The following PIGF variants were observed in gnomAD, a reference collection of about 807,000 sequenced individuals.
PIGF encodes GPI ethanolamine phosphate transferase, stabilizing subunit.
A neutral mutation model predicts 26.0 loss-of-function variants in PIGF; 23 were observed. The ratio of observed to expected loss-of-function variants is 0.88; its 90% CI spans 0.64 to 1.25. The LOEUF (loss-of-function observed/expected upper bound fraction) is 1.25. PIGF is among the 50% of genes most tolerant of loss of function. PIGF has a pLI of 0.00. For synonymous variants in PIGF, 93 were observed against 92.6 expected (o/e 1.00, Z -0.03); for missense variants, 278 against 249.9 (o/e 1.11, Z -0.76).
At chr2:46,583,929 G>A (rs753540264) in intron 5 of PIGF, among the ~76,000 whole-genome samples, 13 of 152,062 alleles carry the variant, frequency 8.5e-5, no homozygotes, top group Non-Finnish European at 1.9e-4. Context: ...AATAAATTTA[G>A]GGGCTCCCTG....
chr2:46,585,974 A>G (rs552262377), intron 5 of PIGF, among the ~76,000 whole-genome samples: 28 of 152,104 alleles, frequency 1.8e-4, no homozygotes, highest in African/African-American at 6.3e-4. Context: ...CAGGGTTTCA[A>G]TGTGTTAGCC....
chr2:46,588,301 G>T lies in PIGF; in HGVS notation c.546+4174C>A. ...CTACCAACTGAAAGACTGCTGGGCA[G>T]AAAAAATAAAACAACAAACTGAGAC... On this transcript the variant is annotated intron_variant, in intron 5 of 5. Coordinates refer to ENST00000281382, the MANE Select transcript of PIGF (RefSeq NM_002643.4). This position sits in a 1 kb window ranked among gnomAD's most constrained non-coding sequence, Gnocchi z 4.1. The T allele has an allele frequency of 8.0e-7, 1 of 1,252,800 alleles. No individual in the cohort carries two copies. The highest frequency in any genetic ancestry group is 1.1e-6 in the Non-Finnish European group (1 of 935,310). The allele number at this position is 1,252,800 out of a possible 1,614,324, so 77.6% of individuals were successfully genotyped here.
At chr2:46,616,735 C>G (rs942287072) in intron 1 of PIGF, 2 of 158,904 alleles carry the variant, frequency 1.3e-5, no homozygotes, top group African/African-American at 4.8e-5. Flanking sequence ...GAGGAACCAG[C>G]TGAGAGGCAG....
intron 4 of PIGF, 108 bp downstream of exon 4, chr2:46,612,120 C>G: frequency 2.5e-6 from 1 of 403,618 alleles, no homozygotes; most frequent in East Asian, 3.9e-5. Flanking sequence ...TGAGCACCAT[C>G]AGCAATGAGA....
In PIGF at chr2:46,589,118, C is replaced by A. The variant is rs1669659086; in HGVS notation, c.546+3357G>T. On this transcript the variant is annotated intron_variant, in intron 5 of 5. Transcript: ENST00000281382. This position sits in a 1 kb window ranked among gnomAD's most constrained non-coding sequence, Gnocchi z 4.7. ...AGATGACTTTAAAGTATTAAAACAA[C>A]AACAAAGATGACCAACAGTATAATG... Among the ~76,000 whole-genome samples, 1 of 151,988 alleles carries A rather than the reference C, an allele frequency of 6.6e-6. No homozygotes were observed. The highest frequency in any genetic ancestry group is 2.1e-4 in the South Asian group (1 of 4,830).
intron 5 of PIGF, among the ~76,000 whole-genome samples, chr2:46,586,992 C>T (rs776501563): frequency 3.3e-5 from 5 of 152,232 alleles, no homozygotes; most frequent in African/African-American, 7.2e-5. Context: ...GTTCTGGTCA[C>T]AACTCGTGCA....
In PIGF at chr2:46,598,042, T is replaced by C. The variant is rs1415968394; in HGVS notation, c.438-5459A>G. ...ACTCTTGCTAGGTATACTATTATTT[T>C]GAACTAATTTCTGCTTTTATCTTTT... On this transcript the variant is annotated intron_variant, in intron 4 of 5. Transcript: ENST00000281382. 3.9e-5 allele frequency among the ~76,000 whole-genome samples: 6 copies of C among 152,170 alleles called. No individual in the cohort carries two copies. The East Asian group carries it at 9.6e-4, about 24-fold the overall frequency.
At chr2:46,610,541 T>C (rs1670377764) in intron 4 of PIGF, among the ~76,000 whole-genome samples, 1 of 148,170 alleles carries the variant, frequency 6.7e-6, no homozygotes, top group Non-Finnish European at 1.5e-5. Context: ...TTTTTTTTTT[T>C]TTTTTTGAGA....
intron 4 of PIGF, 46 bp downstream of exon 4, chr2:46,612,182 T>C: frequency 1.7e-6 from 1 of 588,558 alleles, no homozygotes. Context: ...ACTTCATTAA[T>C]TATTTTTTAA....
intron 1 of PIGF, 30 bp downstream of exon 1, chr2:46,616,940 G>T: frequency 3.2e-6 from 1 of 314,142 alleles, no homozygotes; most frequent in Non-Finnish European, 5.3e-6. Context: ...CTCGTGAGGC[G>T]AGACGCCGAG....
chr2:46,593,137 T>TC (rs1669776531), intron 4 of PIGF, among the ~76,000 whole-genome samples: 1 of 150,476 alleles, frequency 6.6e-6, no homozygotes, highest in African/African-American at 2.4e-5. Flanking sequence ...AGTCTTTCTT[T>TC]TTTTTTTTTT....
chr2:46,597,350 G>A (rs951057745), intron 4 of PIGF, among the ~76,000 whole-genome samples: 2 of 152,028 alleles, frequency 1.3e-5, no homozygotes, highest in African/African-American at 4.8e-5. Flanking sequence ...GATGTTTTAA[G>A]TCTGAAAATG....
chr2:46,585,147 A>G (rs917105322), intron 5 of PIGF, among the ~76,000 whole-genome samples: 6 of 152,222 alleles, frequency 3.9e-5, no homozygotes, highest in Non-Finnish European at 7.3e-5. Flanking sequence ...TCTCCAAATT[A>G]TGGTAATCTG....
In PIGF at chr2:46,589,836, C is replaced by CA. The variant is rs1393345704; in HGVS notation, c.546+2638dup. On this transcript the variant is annotated intron_variant, in intron 5 of 5. Transcript: ENST00000281382. This position sits in a 1 kb window ranked among gnomAD's most constrained non-coding sequence, Gnocchi z 4.7. The stretch of plus-strand genomic sequence containing the variant: ...TAGAATTATTAAAAAATAACAATAA[C>CA]AAAAAAACAAACAACCTTGTTTGCT... 6.6e-6 allele frequency among the ~76,000 whole-genome samples: 1 copy of CA among 151,026 alleles called. No individual in the cohort carries two copies. Among genetic ancestry groups the CA allele is most frequent in the African/African-American group, 2.4e-5 (1 of 41,090 alleles).
chr2:46,609,322 T>C (rs1250041858), intron 4 of PIGF, among the ~76,000 whole-genome samples: 1 of 152,250 alleles, frequency 6.6e-6, no homozygotes, highest in African/African-American at 2.4e-5. Context: ...AGAGGCTTAC[T>C]CTGGATTAGG....
chr2:46,605,019 A>G (rs770277251), intron 4 of PIGF, among the ~76,000 whole-genome samples: 1 of 152,072 alleles, frequency 6.6e-6, no homozygotes, highest in Admixed American at 6.5e-5. Flanking sequence ...ATTAAAAAAT[A>G]AAGTTGTGAT....
At chr2:46,615,214 A>G in intron 1 of PIGF, 29 bp from the exon 2 acceptor site, 1 of 880,458 alleles carries the variant, frequency 1.1e-6, no homozygotes, top group African/African-American at 1.7e-5. Flanking sequence ...AGAAGAGCAT[A>G]TGCAATAACG....
chr2:46,604,797 C>A (rs1235775442), intron 4 of PIGF, among the ~76,000 whole-genome samples: 1 of 151,538 alleles, frequency 6.6e-6, no homozygotes, highest in African/African-American at 2.4e-5. Context: ...TATTTGATAG[C>A]AAAACAGGGT....
intron 2 of PIGF, chr2:46,614,649 C>A: frequency 4.3e-6 from 1 of 232,456 alleles, no homozygotes; most frequent in South Asian, 8.3e-5. Flanking sequence ...GATAGACTGT[C>A]ACACGTATTT....
Sources: gnomAD v4.1 joint callset for allele counts (sites outside exome capture counted in the v4.1 genomes callset) on GRCh38, gnomAD v4.1.1 for gene constraint, Gnocchi (gnomAD v3.1) non-coding constraint, MANE v1.5 for transcripts, NCBI Gene and HGNC (gene_info 2026-07-23, HGNC 2026-07-21) for gene names.